DIRAS2: variants seen among roughly 807,000 people sequenced by gnomAD.
The protein encoded by DIRAS2 is GTP-binding protein Di-Ras2.
DIRAS2 carries 5 observed loss-of-function variants against 13.9 expected under a neutral mutation model. The observed-to-expected ratio is 0.36, with a 90% CI of 0.19 to 0.76. The LOEUF (loss-of-function observed/expected upper bound fraction) is 0.76. DIRAS2 is among the 30% of genes least tolerant of loss of function. The pLI is 0.53. For missense variants in DIRAS2, 191 were observed against 263.0 expected, an observed-to-expected ratio of 0.73 and a Z score of 1.89; for synonymous variants, 111 against 105.4, an observed-to-expected ratio of 1.05 and a Z score of -0.33.
intron 1 of DIRAS2, among the ~76,000 whole-genome samples, chr9:90,629,734 C>A (rs1427547069): frequency 6.6e-6 from 1 of 152,182 alleles, no homozygotes; most frequent in Non-Finnish European, 1.5e-5. Flanking sequence ...ATACCTAATA[C>A]AACTTAAATG....
At position 90,610,064 on chromosome 9, in the gene DIRAS2, G is replaced by A. The variant is rs748000407; in HGVS notation, c.*3164C>T. 2.0e-5 allele frequency: 4 copies of A among 200,184 alleles called. No homozygotes were observed. Among genetic ancestry groups the A allele is most frequent in the Non-Finnish European group, 3.0e-5 (3 of 100,350 alleles). 12.4% of individuals were successfully genotyped at this position (200,184 alleles called of 1,614,324 possible). On this transcript the variant is annotated 3_prime_UTR_variant, in exon 2 of 2. Coordinates refer to ENST00000375765, the MANE Select transcript of DIRAS2 (RefSeq NM_017594.5). ...CTTTGTATACACACTGTCCTTGTGG[G>A]GTATGAATTCCAGGATGTGTCTTCA...
intron 1 of DIRAS2, among the ~76,000 whole-genome samples, chr9:90,637,246 T>C (rs1825379764): frequency 6.6e-6 from 1 of 152,176 alleles, no homozygotes; most frequent in South Asian, 2.1e-4. Flanking sequence ...TTCATATTAG[T>C]ATATATAGAG....
At chr9:90,639,965 AG>A (rs1825404268) in intron 1 of DIRAS2, among the ~76,000 whole-genome samples, 1 of 152,224 alleles carries the variant, frequency 6.6e-6, no homozygotes, top group Admixed American at 6.5e-5. Flanking sequence ...TGGACAATAC[AG>A]TAGCCATCAG....
chr9:90,640,580 T>C (rs1825410104), intron 1 of DIRAS2, among the ~76,000 whole-genome samples: 1 of 152,174 alleles, frequency 6.6e-6, no homozygotes, highest in South Asian at 2.1e-4. Context: ...ATAACCAAAA[T>C]CAGTGTCCTA....
intron 1 of DIRAS2, among the ~76,000 whole-genome samples, chr9:90,620,279 A>G (rs1825207958): frequency 6.6e-6 from 1 of 152,252 alleles, no homozygotes; most frequent in Non-Finnish European, 1.5e-5. Context: ...ATTCACACAT[A>G]TAGAGCATCA....
chr9:90,631,364 CA>C (rs950229683), intron 1 of DIRAS2, among the ~76,000 whole-genome samples: 1 of 152,194 alleles, frequency 6.6e-6, no homozygotes, highest in Non-Finnish European at 1.5e-5. Flanking sequence ...GCTTTGTAAG[CA>C]CAGGGAAAAG....
intron 1 of DIRAS2, among the ~76,000 whole-genome samples, chr9:90,634,722 T>C (rs1284840643): frequency 6.6e-6 from 1 of 152,050 alleles, no homozygotes; most frequent in South Asian, 2.1e-4. Flanking sequence ...GAAAGATGTA[T>C]AGGAGAAAAG....
In DIRAS2 at chr9:90,638,607, C is replaced by T. The variant is rs551233850; in HGVS notation, c.-37+4145G>A. The stretch of plus-strand genomic sequence containing the variant: ...AAGTGTCAGATGATTGTTTTATAGG[C>T]AAGGAGGCAATGAAATACTCCATTG... On this transcript the variant is annotated intron_variant, in intron 1 of 1. Coordinates refer to ENST00000375765, the MANE Select transcript of DIRAS2 (RefSeq NM_017594.5). Among the ~76,000 whole-genome samples the T allele has an allele frequency of 2.6e-5, 4 of 151,666 alleles. No homozygotes were observed. In the South Asian group the frequency reaches 8.3e-4, roughly 32 times the overall value.
In DIRAS2 at chr9:90,610,485, C is replaced by T. The variant is rs1825101035; in HGVS notation, c.*2743G>A. Reference sequence around the variant, plus strand: ...GAAGTCATGGAGCCCCATGCTCATGCCCAGAGCGCCATCTTCAAAGCAATA... The same window carrying T: ...GAAGTCATGGAGCCCCATGCTCATGTCCAGAGCGCCATCTTCAAAGCAATA... On this transcript the variant is annotated 3_prime_UTR_variant, in exon 2 of 2. Coordinates refer to ENST00000375765, the MANE Select transcript of DIRAS2 (RefSeq NM_017594.5). The T allele has an allele frequency of 2.5e-6, 1 of 398,800 alleles. No individual in the cohort carries two copies. Among genetic ancestry groups the T allele is most frequent in the South Asian group, 1.3e-4 (1 of 7,852 alleles). The allele number at this position is 398,800 out of a possible 1,614,324, so 24.7% of individuals were successfully genotyped here. A position where few individuals can be genotyped will look rare whatever the true frequency, so the allele number is the denominator to read the frequency against.
intron 1 of DIRAS2, among the ~76,000 whole-genome samples, chr9:90,625,256 G>C (rs115093555): frequency 7.8e-4 from 119 of 152,308 alleles, no homozygotes; most frequent in African/African-American, 2.9e-3. Context: ...GGCTACCTAT[G>C]TATTCTTGGT....
At chr9:90,615,877 A>G (rs1825164360) in intron 1 of DIRAS2, among the ~76,000 whole-genome samples, 1 of 152,246 alleles carries the variant, frequency 6.6e-6, no homozygotes, top group Admixed American at 6.5e-5. Flanking sequence ...CATTTCTAAC[A>G]TATGCACTTT....
intron 1 of DIRAS2, among the ~76,000 whole-genome samples, chr9:90,627,097 C>T (rs1039495355): frequency 1.3e-5 from 2 of 152,056 alleles, no homozygotes; most frequent in Non-Finnish European, 2.9e-5. Flanking sequence ...ATTCCTCCTC[C>T]CCACACCCCC....
At chr9:90,625,155 T>G (rs191984153) in intron 1 of DIRAS2, among the ~76,000 whole-genome samples, 1 of 152,290 alleles carries the variant, frequency 6.6e-6, no homozygotes, top group East Asian at 1.9e-4. Flanking sequence ...CGAATCTGCA[T>G]GTATGGAAAA....
intron 1 of DIRAS2, among the ~76,000 whole-genome samples, chr9:90,616,532 G>A (rs1294253485): frequency 1.3e-5 from 2 of 152,152 alleles, no homozygotes; most frequent in Non-Finnish European, 2.9e-5. Flanking sequence ...TCTGAAAGAT[G>A]AACAGGAGTC....
intron 1 of DIRAS2, among the ~76,000 whole-genome samples, chr9:90,623,670 G>T (rs947144839): frequency 4.6e-5 from 7 of 152,152 alleles, no homozygotes; most frequent in African/African-American, 1.7e-4. Flanking sequence ...TTGTGAATGA[G>T]ATAGAAGCAT....
chr9:90,622,400 A>T (rs770998947), intron 1 of DIRAS2, among the ~76,000 whole-genome samples: 1 of 152,036 alleles, frequency 6.6e-6, no homozygotes, highest in African/African-American at 2.4e-5. Context: ...TCTTTCATCA[A>T]ACTTTGCTAA....
intron 1 of DIRAS2, among the ~76,000 whole-genome samples, chr9:90,621,265 T>A (rs1825216732): frequency 6.6e-6 from 1 of 152,082 alleles, no homozygotes. Flanking sequence ...AAAGAATGAC[T>A]AGTATAAGGT....
intron 1 of DIRAS2, among the ~76,000 whole-genome samples, chr9:90,615,347 C>T (rs1385250489): frequency 1.3e-5 from 2 of 152,100 alleles, no homozygotes; most frequent in Non-Finnish European, 2.9e-5. Flanking sequence ...TTTGGAATCC[C>T]AAACCCTCCA....
At chr9:90,621,017 TAGAGGAATA>T (rs1825214964) in intron 1 of DIRAS2, among the ~76,000 whole-genome samples, 1 of 152,160 alleles carries the variant, frequency 6.6e-6, no homozygotes, top group African/African-American at 2.4e-5. Flanking sequence ...AGATCCCAGT[TAGAGGAATA>T]AGAGTGTTGT....
Sources: gnomAD v4.1 joint callset for allele counts (sites outside exome capture counted in the v4.1 genomes callset) on GRCh38, gnomAD v4.1.1 for gene constraint, MANE v1.5 for transcripts, NCBI Gene and HGNC (gene_info 2026-07-23, HGNC 2026-07-21) for gene names.